The following GFOD1 variants were observed in gnomAD, a reference collection of about 807,000 sequenced individuals.
The protein encoded by GFOD1 is Gfo/Idh/MocA-like oxidoreductase domain containing 1, also known as glucose-fructose oxidoreductase domain-containing protein 1.
GFOD1 carries 9 observed loss-of-function variants against 25.4 expected under a neutral mutation model. That is an observed-to-expected ratio of 0.35 (90% CI 0.21 to 0.62). GFOD1 has a LOEUF of 0.62. Ranked by LOEUF, GFOD1 falls within the 20% of genes least tolerant of loss-of-function variation. GFOD1 has a pLI of 0.72. For synonymous variants in GFOD1, 253 were observed against 245.6 expected (o/e 1.03, Z -0.28); for missense variants, 403 against 556.9 (o/e 0.72, Z 2.78).
intron 1 of GFOD1, among the ~76,000 whole-genome samples, chr6:13,471,351 T>C (rs1208168681): frequency 6.6e-6 from 1 of 151,982 alleles, no homozygotes; most frequent in Admixed American, 6.6e-5. Context: ...AGAGGATGGC[T>C]GAGAGGGTTA....
intron 1 of GFOD1, among the ~76,000 whole-genome samples, chr6:13,474,062 C>A (rs1479966176): frequency 6.6e-6 from 1 of 152,318 alleles, no homozygotes; most frequent in Non-Finnish European, 1.5e-5. Flanking sequence ...ACACACAAAA[C>A]GTTTTATGAG....
At position 13,412,491 on chromosome 6, in the gene GFOD1, C is replaced by T. The variant is rs545999933; in HGVS notation, c.254-46829G>A. Among the ~76,000 whole-genome samples, 7 of 152,306 alleles carry T rather than the reference C, an allele frequency of 4.6e-5. No homozygotes were observed. The East Asian group carries it at 7.7e-4, about 17-fold the overall frequency. On this transcript the variant is annotated intron_variant, in intron 1 of 1. Coordinates refer to ENST00000379287, the MANE Select transcript of GFOD1 (RefSeq NM_018988.4). ...ACCCAGCGTAAACAGCCTTAGCAAA[C>T]GAATACAAAGGTTGACTGGTATTTT...
intron 1 of GFOD1, among the ~76,000 whole-genome samples, chr6:13,442,942 G>A (rs1757939986): frequency 6.6e-6 from 1 of 152,194 alleles, no homozygotes; most frequent in African/African-American, 2.4e-5. Flanking sequence ...ACCTGCCATA[G>A]ATAGTGATTC....
At chr6:13,428,473 C>A (rs1757683744) in intron 1 of GFOD1, among the ~76,000 whole-genome samples, 1 of 150,492 alleles carries the variant, frequency 6.6e-6, no homozygotes, top group Admixed American at 6.6e-5. Context: ...TTGACATTTC[C>A]ATTTTCCATC....
chr6:13,443,389 A>T (rs1207838406), intron 1 of GFOD1, among the ~76,000 whole-genome samples: 1 of 152,274 alleles, frequency 6.6e-6, no homozygotes, highest in East Asian at 1.9e-4. Flanking sequence ...AGGATTTGAA[A>T]GGAGTGACTC....
At chr6:13,431,754 C>T (rs1584647936) in intron 1 of GFOD1, among the ~76,000 whole-genome samples, 2 of 152,218 alleles carry the variant, frequency 1.3e-5, no homozygotes, top group East Asian at 1.9e-4. Context: ...TAAATGACCA[C>T]TTACATTTAG....
chr6:13,446,321 G>A (rs1459058057), intron 1 of GFOD1, among the ~76,000 whole-genome samples: 2 of 152,156 alleles, frequency 1.3e-5, no homozygotes, highest in Non-Finnish European at 2.9e-5. Flanking sequence ...GAACCAGCAT[G>A]CCCAGGCTGC....
intron 1 of GFOD1, among the ~76,000 whole-genome samples, chr6:13,390,774 A>G (rs80160553): frequency 0.11 from 14,564 of 129,846 alleles, 2,292 homozygotes; most frequent in African/African-American, 0.43. Context: ...AGAGAGAGAG[A>G]GAGAGAAAGG....
intron 1 of GFOD1, among the ~76,000 whole-genome samples, chr6:13,374,484 T>C (rs1033418395): frequency 6.6e-6 from 1 of 151,830 alleles, no homozygotes; most frequent in African/African-American, 2.4e-5. Flanking sequence ...TTTTGTAATT[T>C]TAGTAGAGAC....
At chr6:13,485,911 AC>A in intron 1 of GFOD1, 1 of 525,698 alleles carries the variant, frequency 1.9e-6, no homozygotes, top group Middle Eastern at 1.0e-3. Context: ...AAAAGTTAAA[AC>A]CCCCTGGTTT....
chr6:13,487,041 C>A lies in GFOD1; in HGVS notation c.-151G>T. 2.2e-6 allele frequency: 2 copies of A among 925,808 alleles called. No homozygotes were observed. Among genetic ancestry groups the A allele is most frequent in the South Asian group, 1.7e-5 (1 of 58,222 alleles). 57.3% of individuals were successfully genotyped at this position (925,808 alleles called of 1,614,324 possible). Reference sequence around the variant, plus strand: ...GTGCACCGGGCAAGGCGCCCGGGTGCCCAGAGCGCACCGAGCTGCAGGCGG... The same window carrying A: ...GTGCACCGGGCAAGGCGCCCGGGTGACCAGAGCGCACCGAGCTGCAGGCGG... On this transcript the variant is annotated 5_prime_UTR_variant, in exon 1 of 2. Transcript: ENST00000379287. This position sits in a 1 kb window ranked among gnomAD's most constrained non-coding sequence, Gnocchi z 4.9.
At position 13,362,862 on chromosome 6, in the gene GFOD1, T is replaced by G. The variant is rs1784968611; in HGVS notation, c.*1881A>C. 1 of 152,234 alleles carries G rather than the reference T, an allele frequency of 6.6e-6. No individual in the cohort carries two copies. Among genetic ancestry groups the G allele is most frequent in the South Asian group, 2.1e-4 (1 of 4,822 alleles). The allele number at this position is 152,234 out of a possible 1,614,324, so 9.4% of individuals were successfully genotyped here. A position where few individuals can be genotyped will look rare whatever the true frequency, so the allele number is the denominator to read the frequency against. ...ATGAAGGATGCAACTGATTGGGCTG[T>G]TCATTCTCAGATTTTGCCTACACAG... On this transcript the variant is annotated 3_prime_UTR_variant, in exon 2 of 2. Coordinates refer to ENST00000379287, the MANE Select transcript of GFOD1 (RefSeq NM_018988.4).
chr6:13,387,141 A>G (rs1047133048), intron 1 of GFOD1, among the ~76,000 whole-genome samples: 1 of 152,232 alleles, frequency 6.6e-6, no homozygotes, highest in African/African-American at 2.4e-5. Context: ...CAGCTTTCCC[A>G]CATGGAAGAG....
chr6:13,437,832 G>C (rs1301664231), intron 1 of GFOD1, among the ~76,000 whole-genome samples: 1 of 152,162 alleles, frequency 6.6e-6, no homozygotes, highest in East Asian at 1.9e-4. Context: ...GTTTGCAAGA[G>C]TAAAGATACT....
intron 1 of GFOD1, chr6:13,486,247 T>TCCCCCCCCCCCCCCCCCCCC (rs373896526): frequency 7.7e-5 from 9 of 116,338 alleles, no homozygotes; most frequent in African/African-American, 3.7e-4. Context: ...CACCCCCCCA[T>TCCCCCCCCCCCCCCCCCCCC]CCCCCCCCCC....
chr6:13,400,093 G>A (rs1184142372), intron 1 of GFOD1, among the ~76,000 whole-genome samples: 1 of 151,874 alleles, frequency 6.6e-6, no homozygotes, highest in Admixed American at 6.6e-5. Context: ...CTGGCCTCCT[G>A]ATATATTGAA....
intron 1 of GFOD1, among the ~76,000 whole-genome samples, chr6:13,433,156 G>A (rs1345387093): frequency 7.9e-6 from 1 of 126,788 alleles, no homozygotes; most frequent in Non-Finnish European, 1.6e-5. Flanking sequence ...TTTCACTCTT[G>A]TCACTCAGGC....
intron 1 of GFOD1, among the ~76,000 whole-genome samples, chr6:13,465,331 G>C (rs907339256): frequency 6.6e-6 from 1 of 152,168 alleles, no homozygotes; most frequent in Non-Finnish European, 1.5e-5. Context: ...GCAGGGGTTG[G>C]ACAAGCTTGA....
intron 1 of GFOD1, among the ~76,000 whole-genome samples, chr6:13,369,247 T>C (rs1245328792): frequency 6.6e-6 from 1 of 152,234 alleles, no homozygotes; most frequent in African/African-American, 2.4e-5. Flanking sequence ...GCTTTACAGA[T>C]GGGTCTCGGC....
Sources: gnomAD v4.1 joint callset for allele counts (sites outside exome capture counted in the v4.1 genomes callset) on GRCh38, gnomAD v4.1.1 for gene constraint, Gnocchi (gnomAD v3.1) non-coding constraint, MANE v1.5 for transcripts, NCBI Gene and HGNC (gene_info 2026-07-23, HGNC 2026-07-21) for gene names.